TMEM268: variants seen among roughly 807,000 people sequenced by gnomAD.
TMEM268 encodes transmembrane protein C9orf91.
A neutral mutation model predicts 39.1 loss-of-function variants in TMEM268; 24 were observed. The observed-to-expected ratio is 0.61, with a 90% confidence interval of 0.44 to 0.86. The LOEUF is 0.86. TMEM268 is among the 40% of genes least tolerant of loss of function. The probability of loss-of-function intolerance (pLI) is 0.00; values close to 1 mark genes in which losing one functional copy is unlikely to be tolerated. For synonymous variants in TMEM268, 176 were observed against 173.5 expected (o/e 1.01, Z -0.12); for missense variants, 409 against 428.6 (o/e 0.95, Z 0.40).
At position 114,638,612 on chromosome 9, in the gene TMEM268, G is replaced by A. The variant is rs745876839; in HGVS notation, c.735G>A (p.Ala245=). The change falls in exon 8 of 9, where the codon GCG becomes GCA. Residue 245 remains alanine (A), a synonymous_variant. Coordinates refer to ENST00000288502, the MANE Select transcript of TMEM268 (RefSeq NM_153045.4). The stretch of plus-strand genomic sequence containing the variant: ...AGACTGGGGTGAGCCCTGCAACAGC[G>A]GAGGGGCCTGAGAACTTGGAGGATG... ...VMETGVSPAT[A]EGPENLEDAP... is the part of the protein sequence containing the mutation. 7.5e-6 allele frequency: 12 copies of A among 1,609,406 alleles called. No homozygotes were observed. Among genetic ancestry groups the A allele is most frequent in the East Asian group, 2.2e-5 (1 of 44,454 alleles).
intron 2 of TMEM268, among the ~76,000 whole-genome samples, chr9:114,621,908 C>A (rs1461126245): frequency 6.6e-6 from 1 of 152,138 alleles, no homozygotes; most frequent in Non-Finnish European, 1.5e-5. Context: ...TGCAAAGCAA[C>A]AGGAAGCGAT....
chr9:114,610,458 G>A (rs559145107), upstream of TMEM268, among the ~76,000 whole-genome samples: 2 of 152,328 alleles, frequency 1.3e-5, no homozygotes, highest in East Asian at 3.9e-4. Flanking sequence ...TGGCCGATGA[G>A]CGCCAAGGTA....
intron 5 of TMEM268, among the ~76,000 whole-genome samples, chr9:114,632,474 T>C (rs10982340): frequency 0.27 from 41,644 of 152,044 alleles, 6,059 homozygotes; most frequent in South Asian, 0.4. Context: ...CTCTTGTGCT[T>C]ACTTCCCCAA....
chr9:114,618,684 G>T (rs889939710), intron 2 of TMEM268, among the ~76,000 whole-genome samples: 1 of 151,822 alleles, frequency 6.6e-6, no homozygotes, highest in African/African-American at 2.4e-5. Flanking sequence ...GAAAGAAAAA[G>T]AATTTCCATT....
At chr9:114,609,831 AG>A (rs1432770838), upstream of TMEM268, among the ~76,000 whole-genome samples, 1 of 122,254 alleles carries the variant, frequency 8.2e-6, no homozygotes, top group Non-Finnish European at 1.8e-5. Context: ...AAAGAAAGAA[AG>A]AGAGAAAGAA....
chr9:114,606,936 G>A (rs1845374118), upstream of TMEM268, among the ~76,000 whole-genome samples: 1 of 151,844 alleles, frequency 6.6e-6, no homozygotes, highest in Admixed American at 6.6e-5. Flanking sequence ...TACTCATCCA[G>A]CAGTTCTGAG....
chr9:114,607,142 T>A (rs1318723266), upstream of TMEM268, among the ~76,000 whole-genome samples: 1 of 152,200 alleles, frequency 6.6e-6, no homozygotes, highest in Non-Finnish European at 1.5e-5. Flanking sequence ...TGTGGTTATT[T>A]GGATTTATCT....
chr9:114,636,895 C>A, intron 6 of TMEM268, 95 bp from the exon 7 acceptor site: 1 of 756,308 alleles, frequency 1.3e-6, no homozygotes. Flanking sequence ...CACCTTCCTG[C>A]CAGACAGCAG....
rs147073169 is a variant in TMEM268 at position 114,617,205 on chromosome 9, G to A, written c.10G>A (p.Glu4Lys). The change falls in exon 2 of 9, where the codon GAA becomes AAA. Residue 4 changes from glutamate to lysine, a missense_variant. Coordinates refer to ENST00000288502, the MANE Select transcript of TMEM268 (RefSeq NM_153045.4). ...CAGCTGGCGCCCTGCCATGGCCTGT[G>A]AACCACAGGTGGACCCGGGGGCCAC... is the stretch of plus-strand genomic sequence containing the variant. MAC[E>K]PQVDPGATGP... 1.3e-5 allele frequency: 21 copies of A among 1,606,170 alleles called. No homozygotes were observed. The African/African-American group carries it at 2.6e-4, about 20-fold the overall frequency.
At chr9:114,624,571 C>T (rs188728277) in intron 3 of TMEM268, 112 bp downstream of exon 3, 582 of 1,450,542 alleles carry the variant, frequency 4.0e-4, no homozygotes, top group Non-Finnish European at 5.0e-4. Context: ...TACCAGCTGT[C>T]GTAGGGTATA....
intron 2 of TMEM268, among the ~76,000 whole-genome samples, chr9:114,621,345 CAAAA>C (rs34338222): frequency 7.4e-6 from 1 of 135,954 alleles, no homozygotes; most frequent in Non-Finnish European, 1.6e-5. Context: ...GATGCTGTCT[CAAAA>C]AAAAAAAAAA....
upstream of TMEM268, among the ~76,000 whole-genome samples, chr9:114,610,156 C>T (rs1181844726): frequency 6.6e-6 from 1 of 152,088 alleles, no homozygotes; most frequent in Admixed American, 6.5e-5. Context: ...TCTCCTGCCT[C>T]AGTCTCCCGA....
At position 114,625,616 on chromosome 9, in the gene TMEM268, AT is replaced by A. The variant is rs1326457390; in HGVS notation, c.216+1163del. Among the ~76,000 whole-genome samples the A allele has an allele frequency of 2.7e-5, 4 of 150,646 alleles. No individual in the cohort carries two copies. In the East Asian group the frequency reaches 7.9e-4, roughly 30 times the overall value. ...TGCACCACGGCTGGCTAATTTTTGTATTTTTTAGTAGAGACGGGGTTTCACC... is the reference window on the plus strand; with the variant it reads ...TGCACCACGGCTGGCTAATTTTTGTATTTTTAGTAGAGACGGGGTTTCACC... On this transcript the variant is annotated intron_variant, in intron 3 of 8. Transcript: ENST00000288502.
intron 2 of TMEM268, chr9:114,622,103 G>T: frequency 1.0e-6 from 1 of 985,390 alleles, no homozygotes; most frequent in Non-Finnish European, 1.2e-6. Flanking sequence ...TGCCTAGTTG[G>T]CAGGGCTTGG....
chr9:114,620,107 C>T (rs1478843310), intron 2 of TMEM268, among the ~76,000 whole-genome samples: 5 of 151,856 alleles, frequency 3.3e-5, no homozygotes, highest in African/African-American at 4.8e-5. Context: ...CCCAGCTACC[C>T]GGGAGGCTGA....
chr9:114,637,996 C>T (rs1589359902), intron 7 of TMEM268, among the ~76,000 whole-genome samples: 1 of 152,294 alleles, frequency 6.6e-6, no homozygotes, highest in African/African-American at 2.4e-5. Flanking sequence ...ATAAAGATAC[C>T]CACATCCCAG....
chr9:114,604,014 CTT>C, the TMEM268 span, among the ~76,000 whole-genome samples: 4 of 144,198 alleles, frequency 2.8e-5, no homozygotes, highest in East Asian at 2.0e-4. Flanking sequence ...TAATTTAATT[CTT>C]TTTTTTTTTT....
At chr9:114,610,460 G>A (rs890806932), upstream of TMEM268, among the ~76,000 whole-genome samples, 1 of 152,212 alleles carries the variant, frequency 6.6e-6, no homozygotes, top group African/African-American at 2.4e-5. Context: ...GCCGATGAGC[G>A]CCAAGGTACT....
upstream of TMEM268, among the ~76,000 whole-genome samples, chr9:114,610,318 C>G (rs543118109): frequency 2.0e-5 from 3 of 152,130 alleles, no homozygotes; most frequent in Non-Finnish European, 2.9e-5. Flanking sequence ...GGATTACAGG[C>G]GTGAGCCACC....
Sources: allele counts gnomAD v4.1 joint callset (sites outside exome capture counted in the v4.1 genomes callset), GRCh38; gene constraint gnomAD v4.1.1; transcripts MANE v1.5; gene names NCBI Gene and HGNC (gene_info 2026-07-23, HGNC 2026-07-21).